Variants in SRSF11 observed in about 807,000 individuals in gnomAD.
SRSF11 encodes serine/arginine-rich splicing factor 11.
A neutral mutation model predicts 56.0 loss-of-function variants in SRSF11; 9 were observed. The observed-to-expected ratio is 0.16, with a 90% CI of 0.10 to 0.28. The LOEUF (loss-of-function observed/expected upper bound fraction) is 0.28, where lower values mean the gene tolerates loss of function less well. Among genes scored for constraint, SRSF11 ranks in the 10% least tolerant of loss-of-function variants. The probability of loss-of-function intolerance (pLI) is 1.00; values close to 1 mark genes in which losing one functional copy is unlikely to be tolerated. For synonymous variants in SRSF11, 222 were observed against 215.3 expected, an observed-to-expected ratio of 1.03 and a Z score of -0.27; for missense variants, 421 against 600.7, an observed-to-expected ratio of 0.70 and a Z score of 3.13.
At chr1:70,221,887 G>C (rs1430040828) in intron 1 of SRSF11, 48 bp downstream of exon 1, 1 of 1,608,540 alleles carries the variant, frequency 6.2e-7, no homozygotes, top group East Asian at 2.2e-5. Flanking sequence ...GCCTCAGCCT[G>C]GGCCTAACAC....
chr1:70,227,998 A>C (rs1357861721), intron 1 of SRSF11, among the ~76,000 whole-genome samples: 2 of 152,220 alleles, frequency 1.3e-5, no homozygotes, highest in African/African-American at 4.8e-5. Context: ...GTTCGTTCTC[A>C]TGATATTCAT....
intron 9 of SRSF11, among the ~76,000 whole-genome samples, chr1:70,247,655 C>T (rs1026120510): frequency 6.6e-6 from 1 of 151,928 alleles, no homozygotes; most frequent in South Asian, 2.1e-4. Flanking sequence ...TGGTGGTTTC[C>T]TAGATATGAC....
In SRSF11 at chr1:70,228,515, A is replaced by G. The variant is rs1295537473; in HGVS notation, c.297A>G (p.Val99=). 1.2e-6 allele frequency: 2 copies of G among 1,613,754 alleles called. No individual in the cohort carries two copies. Among genetic ancestry groups the G allele is most frequent in the Admixed American group, 1.7e-5 (1 of 59,976 alleles). ...AVVAQHLTNT[V]FVDRALIVVP... Reference sequence around the variant, plus strand: ...TGGCACAGCATCTGACAAACACTGTATTCGTTGACAGAGCTTTGATAGTCG... The same window carrying G: ...TGGCACAGCATCTGACAAACACTGTGTTCGTTGACAGAGCTTTGATAGTCG... The change falls in exon 2 of 12, where the codon GTA becomes GTG. Residue 99 remains valine (V), a synonymous_variant. Coordinates refer to ENST00000370949, the MANE Select transcript of SRSF11 (RefSeq NM_001350605.2).
chr1:70,224,885 A>C (rs188589147), intron 1 of SRSF11, among the ~76,000 whole-genome samples: 1 of 152,182 alleles, frequency 6.6e-6, no homozygotes, highest in Non-Finnish European at 1.5e-5. Context: ...TTGAATATCT[A>C]TTGTGTGTGA....
intron 1 of SRSF11, among the ~76,000 whole-genome samples, chr1:70,208,569 C>T (rs927766372): frequency 6.6e-6 from 1 of 152,166 alleles, no homozygotes; most frequent in Admixed American, 6.5e-5. Context: ...AACTCCTGGC[C>T]TCATGTGATC....
rs956371323 is a variant in SRSF11 at position 70,252,233 on chromosome 1, G to T, written c.*1428G>T. 5.9e-5 allele frequency: 9 copies of T among 151,944 alleles called. No individual in the cohort carries two copies. The highest frequency in any genetic ancestry group is 9.7e-5 in the African/African-American group (4 of 41,396). 9.4% of individuals were successfully genotyped at this position (151,944 alleles called of 1,614,324 possible). A position where few individuals can be genotyped will look rare whatever the true frequency, so the allele number is the denominator to read the frequency against. On this transcript the variant is annotated 3_prime_UTR_variant, in exon 12 of 12. Coordinates refer to ENST00000370949, the MANE Select transcript of SRSF11 (RefSeq NM_001350605.2). ...AGTATCATTTTATTGCTTATTTTTT[G>T]TGTGGGAATGGGGTTGGATAAAGCA... is the stretch of plus-strand genomic sequence containing the variant.
chr1:70,212,893 G>T (rs1377794850), intron 1 of SRSF11, among the ~76,000 whole-genome samples: 1 of 151,484 alleles, frequency 6.6e-6, no homozygotes, highest in African/African-American at 2.4e-5. Context: ...TGTACAAAAA[G>T]TTTAAAATAT....
Position 70,252,565 on chromosome 1 carries a change from CTTT to C in SRSF11, c.*1763_*1765del, listed in dbSNP as rs1348695047. 1.8e-5 allele frequency: 2 copies of C among 113,088 alleles called. No individual in the cohort carries two copies. The highest frequency in any genetic ancestry group is 3.6e-5 in the Non-Finnish European group (2 of 56,168). The allele number at this position is 113,088 out of a possible 1,614,324, so 7.0% of individuals were successfully genotyped here. A position where few individuals can be genotyped will look rare whatever the true frequency, so the allele number is the denominator to read the frequency against. On this transcript the variant is annotated 3_prime_UTR_variant, in exon 12 of 12. Transcript: ENST00000370949. ...TGTTTTTACAGTTTGTAGTAAGTAACTTTTTAAAGATTTTATCAAAAAGAATTG... is the reference window on the plus strand; with the variant it reads ...TGTTTTTACAGTTTGTAGTAAGTAACTTAAAGATTTTATCAAAAAGAATTG...
At chr1:70,242,094 C>T (rs187665867) in intron 7 of SRSF11, among the ~76,000 whole-genome samples, 83 of 151,074 alleles carry the variant, frequency 5.5e-4, no homozygotes, top group African/African-American at 1.9e-3. Flanking sequence ...GCTTGAACCC[C>T]GGAGGCGGGG....
At chr1:70,229,522 T>A in intron 2 of SRSF11, 4 of 985,132 alleles carry the variant, frequency 4.1e-6, no homozygotes, top group Non-Finnish European at 3.6e-6. Context: ...GCTACTTGAT[T>A]TGCATTTTGG....
intron 1 of SRSF11, among the ~76,000 whole-genome samples, chr1:70,224,260 A>G (rs1315251214): frequency 1.3e-5 from 2 of 152,032 alleles, no homozygotes; most frequent in Non-Finnish European, 2.9e-5. Flanking sequence ...AAACTATATG[A>G]TTTCCCCCAA....
upstream of SRSF11, among the ~76,000 whole-genome samples, chr1:70,218,051 G>A (rs920383120): frequency 4.6e-5 from 7 of 151,950 alleles, no homozygotes; most frequent in African/African-American, 9.7e-5. Context: ...GTGCAGGGAC[G>A]CGATCTCGGT....
intron 8 of SRSF11, 26 bp downstream of exon 8, chr1:70,244,841 T>C: frequency 2.5e-6 from 4 of 1,612,704 alleles, no homozygotes; most frequent in Non-Finnish European, 3.4e-6. Context: ...AGAAAGCAAA[T>C]TTTAGGGTTC....
At chr1:70,239,674 A>C (rs1244249920) in intron 7 of SRSF11, among the ~76,000 whole-genome samples, 154 bp downstream of exon 7, 1 of 152,194 alleles carries the variant, frequency 6.6e-6, no homozygotes, top group Non-Finnish European at 1.5e-5. Flanking sequence ...CACATGTAAA[A>C]AGTAAGAAAA....
upstream of SRSF11, among the ~76,000 whole-genome samples, chr1:70,218,074 C>A (rs907826416): frequency 2.0e-4 from 30 of 152,152 alleles, no homozygotes; most frequent in African/African-American, 6.3e-4. Flanking sequence ...ACGCCATTCT[C>A]CCGCCTCAGC....
At chr1:70,249,171 C>CTAGAGT (rs1237615601) in intron 9 of SRSF11, 1 of 152,032 alleles carries the variant, frequency 6.6e-6, no homozygotes, top group Non-Finnish European at 1.5e-5. Flanking sequence ...GGCGATTTTG[C>CTAGAGT]TAGAGTATAA....
chr1:70,215,215 T>G (rs1368397257), intron 1 of SRSF11, among the ~76,000 whole-genome samples: 1 of 152,116 alleles, frequency 6.6e-6, no homozygotes, highest in Non-Finnish European at 1.5e-5. Flanking sequence ...TTTTAAAACT[T>G]ACGGATTTGT....
intron 4 of SRSF11, 65 bp downstream of exon 4, chr1:70,234,853 G>T: frequency 7.3e-7 from 1 of 1,361,720 alleles, no homozygotes; most frequent in Non-Finnish European, 1.0e-6. Context: ...TTAACTGTTG[G>T]TTTGCATTTC....
At chr1:70,236,400 A>G (rs973933564) in intron 5 of SRSF11, among the ~76,000 whole-genome samples, 5 of 141,824 alleles carry the variant, frequency 3.5e-5, no homozygotes, top group African/African-American at 5.3e-5. Flanking sequence ...GCGCAAACTC[A>G]GCTCACTGCA....
Sources: allele counts gnomAD v4.1 joint callset (sites outside exome capture counted in the v4.1 genomes callset), GRCh38; gene constraint gnomAD v4.1.1; transcripts MANE v1.5; gene names NCBI Gene and HGNC (gene_info 2026-07-23, HGNC 2026-07-21).